NAV1: variants seen among roughly 807,000 people sequenced by gnomAD.
NAV1 encodes neuron navigator 1, also known as pore membrane and/or filament interacting like protein 3.
NAV1 carries 18 observed loss-of-function variants against 175.2 expected under a neutral mutation model. That is an observed-to-expected ratio of 0.10 (90% CI 0.07 to 0.15). The LOEUF is 0.15. Ranked by LOEUF, NAV1 falls within the 10% of genes least tolerant of loss-of-function variation. The pLI is 1.00. For synonymous variants in NAV1, 897 were observed against 978.7 expected (o/e 0.92, Z 1.56); for missense variants, 1,731 against 2,436.6 (o/e 0.71, Z 6.10).
chr1:201,772,452 T>C (rs1056792680), intron 3 of NAV1, among the ~76,000 whole-genome samples: 4 of 152,188 alleles, frequency 2.6e-5, no homozygotes, highest in African/African-American at 9.7e-5. Flanking sequence ...AGACAGCTGG[T>C]CACCTAATAG....
intron 15 of NAV1, chr1:201,796,348 A>C (rs1239478053): frequency 1.3e-5 from 2 of 152,014 alleles, no homozygotes; most frequent in African/African-American, 4.8e-5. Flanking sequence ...TTTGAGATGG[A>C]GTCTCACTCT....
chr1:201,550,359 A>AT (rs985779086), intron 1 of NAV1, among the ~76,000 whole-genome samples: 1 of 151,928 alleles, frequency 6.6e-6, no homozygotes, highest in African/African-American at 2.4e-5. Flanking sequence ...TTTTGTAGAG[A>AT]TGGGGTCTCG....
chr1:201,691,318 G>A (rs754121298), intron 1 of NAV1, among the ~76,000 whole-genome samples: 7 of 152,198 alleles, frequency 4.6e-5, no homozygotes, highest in Non-Finnish European at 7.3e-5. Flanking sequence ...GAGCCTCAGC[G>A]GAAGGTGTGG....
In NAV1 at chr1:201,635,036, T is replaced by C. The variant is rs1427925679; in HGVS notation, c.4+5529T>C. On this transcript the variant is annotated intron_variant, in intron 2 of 29. Coordinates refer to the NAV1 transcript ENST00000367302. ...CCAATTGACAATTTTTGTTTTGTTT[T>C]GTTTTGTTTTTTGTTTTTTTGAGAC... 2.0e-5 allele frequency among the ~76,000 whole-genome samples: 3 copies of C among 152,072 alleles called. No individual in the cohort carries two copies. In the East Asian group the frequency reaches 5.8e-4, roughly 29 times the overall value.
intron 3 of NAV1, among the ~76,000 whole-genome samples, chr1:201,727,036 G>C (rs1241353459): frequency 2.0e-5 from 3 of 152,134 alleles, no homozygotes; most frequent in Non-Finnish European, 4.4e-5. Flanking sequence ...ACCTCCCTCT[G>C]CTTGTTTCCT....
chr1:201,606,467 C>T lies in NAV1; in HGVS notation c.-32-16386C>T, dbSNP rs370955248. On this transcript the variant is annotated intron_variant, in intron 2 of 33. Coordinates refer to the NAV1 transcript ENST00000685211. Reference sequence around the variant, plus strand: ...GAACTGTGAGGCTGTCCTAAGGCCACGGGTCATCTTGTCATCCTGTCCATG... The same window carrying T: ...GAACTGTGAGGCTGTCCTAAGGCCATGGGTCATCTTGTCATCCTGTCCATG... 3.3e-5 allele frequency among the ~76,000 whole-genome samples: 5 copies of T among 152,316 alleles called. No individual in the cohort carries two copies. In the East Asian group the frequency reaches 5.8e-4, roughly 18 times the overall value.
At chr1:201,726,954 C>A (rs770514360) in intron 3 of NAV1, among the ~76,000 whole-genome samples, 61 of 152,200 alleles carry the variant, frequency 4.0e-4, no homozygotes, top group Admixed American at 7.9e-4. Flanking sequence ...AGTGAAGGCT[C>A]ACAGCTAGGC....
intron 3 of NAV1, among the ~76,000 whole-genome samples, chr1:201,760,077 C>CAAA (rs1674746135): frequency 6.6e-6 from 1 of 152,172 alleles, no homozygotes; most frequent in Non-Finnish European, 1.5e-5. Context: ...AAAAGAGTTA[C>CAAA]AAAAGTTACT....
intron 1 of NAV1, among the ~76,000 whole-genome samples, chr1:201,667,510 G>A (rs1669874176): frequency 6.6e-6 from 1 of 152,146 alleles, no homozygotes; most frequent in Non-Finnish European, 1.5e-5. Context: ...GCCGGTGAGT[G>A]GCAGATCAGA....
At chr1:201,731,654 C>G (rs898524036) in intron 3 of NAV1, among the ~76,000 whole-genome samples, 30 of 152,170 alleles carry the variant, frequency 2.0e-4, no homozygotes, top group Non-Finnish European at 4.3e-4. Context: ...GCCTCAATCT[C>G]TCATTCTTCC....
intron 1 of NAV1, among the ~76,000 whole-genome samples, chr1:201,684,553 C>A (rs1162257325): frequency 6.7e-6 from 1 of 148,534 alleles, no homozygotes; most frequent in African/African-American, 2.5e-5. Flanking sequence ...CGGCTCACTG[C>A]AACCTCCGTC....
intron 1 of NAV1, among the ~76,000 whole-genome samples, chr1:201,710,161 T>TA (rs33912942): frequency 4.7e-4 from 69 of 146,664 alleles, no homozygotes; most frequent in South Asian, 3.3e-3. Flanking sequence ...CATTTTTCCT[T>TA]AAAAAAAAAA....
At chr1:201,561,819 C>G (rs1300888761) in intron 1 of NAV1, among the ~76,000 whole-genome samples, 2 of 152,158 alleles carry the variant, frequency 1.3e-5, no homozygotes, top group Non-Finnish European at 2.9e-5. Context: ...CCTGGGAACT[C>G]CCTGCAGGCT....
intron 3 of NAV1, among the ~76,000 whole-genome samples, chr1:201,775,348 T>C (rs1419972783): frequency 6.6e-6 from 1 of 152,340 alleles, no homozygotes; most frequent in Middle Eastern, 3.4e-3. Context: ...AGAATGCTGG[T>C]CTTACATGCT....
chr1:201,782,328 G>A lies in NAV1; in HGVS notation c.1816G>A (p.Gly606Ser). The A allele has an allele frequency of 6.2e-7, 1 of 1,614,158 alleles. No individual in the cohort carries two copies. The highest frequency in any genetic ancestry group is 8.5e-7 in the Non-Finnish European group (1 of 1,180,040). ...TCGCCCCTCCACTTCGGGATCCTTT[G>A]GCTACAAGAAGCCTCCTCCTGCCAC... is the stretch of plus-strand genomic sequence containing the variant. Residue 606 changes from glycine (G) to serine (S), a missense_variant, in exon 6 of 30, where the codon GGC (glycine) becomes AGC (serine). Around this residue, in one of 13 missense-constraint regions of NAV1, gnomAD observed 634 missense variants for 766.8 expected, o/e 0.83. Transcript: ENST00000367296. The surrounding 1 kb of genome is among the most constrained non-coding windows in gnomAD (Gnocchi z 5.4).
At chr1:201,748,525 A>T (rs1329207967) in intron 3 of NAV1, among the ~76,000 whole-genome samples, 1 of 152,196 alleles carries the variant, frequency 6.6e-6, no homozygotes, top group Non-Finnish European at 1.5e-5. Context: ...GTGGCCAGTC[A>T]CGTCCTCTGT....
At chr1:201,686,450 A>C (rs1670689498) in intron 1 of NAV1, among the ~76,000 whole-genome samples, 1 of 152,232 alleles carries the variant, frequency 6.6e-6, no homozygotes, top group African/African-American at 2.4e-5. Context: ...TCAGAAATTC[A>C]GACTTGTCAT....
chr1:201,751,809 G>A (rs553054603), intron 3 of NAV1, among the ~76,000 whole-genome samples: 5 of 152,292 alleles, frequency 3.3e-5, no homozygotes, highest in Admixed American at 1.3e-4. Flanking sequence ...GGGGCATGTC[G>A]TGAGTGGCTT....
chr1:201,727,338 A>G (rs746355568), intron 3 of NAV1, among the ~76,000 whole-genome samples: 1 of 152,180 alleles, frequency 6.6e-6, no homozygotes, highest in Non-Finnish European at 1.5e-5. Flanking sequence ...GAATGACATA[A>G]TAAGTTGTTT....
Sources: allele counts gnomAD v4.1 joint callset (sites outside exome capture counted in the v4.1 genomes callset), GRCh38; gene constraint gnomAD v4.1.1; regional missense constraint gnomAD v4.1.1; non-coding constraint Gnocchi (gnomAD v3.1); transcripts MANE v1.5; gene names NCBI Gene and HGNC (gene_info 2026-07-23, HGNC 2026-07-21).